RNF43: variants seen among roughly 807,000 people sequenced by gnomAD.
RNF43 encodes E3 ubiquitin-protein ligase RNF43.
RNF43 carries 37 observed loss-of-function variants against 78.4 expected under a neutral mutation model. The ratio of observed to expected loss-of-function variants is 0.47; its 90% CI spans 0.36 to 0.62. The LOEUF (loss-of-function observed/expected upper bound fraction) is 0.62, where lower values mean the gene tolerates loss of function less well. RNF43 is among the 20% of genes least tolerant of loss of function. The pLI is 0.00. For missense variants in RNF43, 774 were observed against 1,007.9 expected (o/e 0.77, Z 3.14); for synonymous variants, 347 against 395.0 (o/e 0.88, Z 1.44).
intron 2 of RNF43, among the ~76,000 whole-genome samples, chr17:58,410,630 T>C (rs771438069): frequency 2.6e-5 from 4 of 152,218 alleles, no homozygotes; most frequent in Non-Finnish European, 5.9e-5. Context: ...GCTATGTCAG[T>C]GTTTATTATT....
chr17:58,403,248 T>G (rs1008985035), intron 2 of RNF43, among the ~76,000 whole-genome samples: 2 of 152,174 alleles, frequency 1.3e-5, no homozygotes, highest in African/African-American at 4.8e-5. Context: ...ATGAGTATAT[T>G]CTTTGGGGGA....
At position 58,395,191 on chromosome 17, in the gene RNF43, C is replaced by A. The variant is rs566491136; in HGVS notation, c.252+20135G>T. ...AAAACTAGCAAATATTAAACAGGATCTGAAATTCCTTTGGGAAAAAAATAT... is the reference window on the plus strand; with the variant it reads ...AAAACTAGCAAATATTAAACAGGATATGAAATTCCTTTGGGAAAAAAATAT... On this transcript the variant is annotated intron_variant, in intron 2 of 9. Transcript: ENST00000407977. 2.6e-5 allele frequency among the ~76,000 whole-genome samples: 4 copies of A among 152,270 alleles called. No homozygotes were observed. In the South Asian group the frequency reaches 8.3e-4, roughly 32 times the overall value.
intron 2 of RNF43, among the ~76,000 whole-genome samples, chr17:58,387,979 C>G (rs911685258): frequency 2.0e-5 from 3 of 151,244 alleles, no homozygotes; most frequent in Non-Finnish European, 4.4e-5. Context: ...CTTCCCCCCA[C>G]CACACACACC....
rs1598130215 is a variant in RNF43 at position 58,360,326 on chromosome 17, A to G, written c.850-75T>C. ...TTGCCAGGAATCAGGACATCCCCCA[A>G]CTCCCTTAGGCCTCTCCTTGCTATT... On this transcript the variant is annotated intron_variant, in intron 7 of 9. Coordinates refer to ENST00000407977, the MANE Select transcript of RNF43 (RefSeq NM_017763.6). The surrounding 1 kb of genome is among the most constrained non-coding windows in gnomAD (Gnocchi z 4.3). The G allele has an allele frequency of 5.7e-6, 6 of 1,053,650 alleles. No homozygotes were observed. In the East Asian group the frequency reaches 1.4e-4, roughly 25 times the overall value. 65.3% of individuals were successfully genotyped at this position (1,053,650 alleles called of 1,614,324 possible). A position where few individuals can be genotyped will look rare whatever the true frequency, so the allele number is the denominator to read the frequency against.
chr17:58,416,813 A>T (rs2143702518), intron 1 of RNF43: 1 of 152,360 alleles, frequency 6.6e-6, no homozygotes, highest in Non-Finnish European at 1.5e-5. Flanking sequence ...TAAGATTTTT[A>T]AAATGTGCAC....
Position 58,415,502 on chromosome 17 carries a change from C to T in RNF43, c.76G>A (p.Gly26Arg). The T allele has an allele frequency of 6.2e-7, 1 of 1,613,192 alleles. No homozygotes were observed. Among genetic ancestry groups the T allele is most frequent in the Non-Finnish European group, 8.5e-7 (1 of 1,180,036 alleles). ...GCTGCCAGTACCAGTCCTGTGCGTCCAAAGCCTGCCTGCAGGGTAGCCATC... is the reference window on the plus strand; with the variant it reads ...GCTGCCAGTACCAGTCCTGTGCGTCTAAAGCCTGCCTGCAGGGTAGCCATC... The part of the protein sequence containing the change: ...LLMATLQAGF[G>R]RTGLVLAAAV... Residue 26 changes from glycine to arginine, a missense_variant, in exon 2 of 10, where the codon GGA becomes AGA. Physicochemically the swap from Gly to Arg is moderately radical, Grantham distance 125. Coordinates refer to ENST00000407977, the MANE Select transcript of RNF43 (RefSeq NM_017763.6).
rs1972644763 is a variant in RNF43, at chr17:58,354,579, T to A, written c.*364A>T. The A allele has an allele frequency of 5.2e-6, 2 of 381,244 alleles. No individual in the cohort carries two copies. The highest frequency in any genetic ancestry group is 7.2e-5 in the Admixed American group (2 of 27,630). The allele number at this position is 381,244 out of a possible 1,614,324, so 23.6% of individuals were successfully genotyped here. ...GAGGCTTGGGGTGAGGGAAACCAAG[T>A]AGGGGTTGGAGAAGGAGCAGCACCT... On this transcript the variant is annotated 3_prime_UTR_variant, in exon 10 of 10. Coordinates refer to ENST00000407977, the MANE Select transcript of RNF43 (RefSeq NM_017763.6).
intron 2 of RNF43, among the ~76,000 whole-genome samples, chr17:58,399,844 G>A (rs545802922): frequency 3.3e-5 from 5 of 151,994 alleles, no homozygotes; most frequent in Non-Finnish European, 1.5e-5. Flanking sequence ...GTTTCACCAT[G>A]CTGTTCAGAC....
chr17:58,393,829 C>T lies in RNF43; in HGVS notation c.252+21497G>A, dbSNP rs546992933. On this transcript the variant is annotated intron_variant, in intron 2 of 9. Transcript: ENST00000407977. ...CAGCACTTTGGGAGGCTGAGGCGGGCGGATCATGAGGTCAGGAGATCGAGA... is the reference window on the plus strand; with the variant it reads ...CAGCACTTTGGGAGGCTGAGGCGGGTGGATCATGAGGTCAGGAGATCGAGA... 1.1e-4 allele frequency among the ~76,000 whole-genome samples: 16 copies of T among 152,110 alleles called. No homozygotes were observed. In the South Asian group the frequency reaches 2.7e-3, roughly 26 times the overall value.
At chr17:58,378,004 G>A (rs901826952) in intron 2 of RNF43, among the ~76,000 whole-genome samples, 6 of 152,034 alleles carry the variant, frequency 3.9e-5, no homozygotes, top group African/African-American at 4.8e-5. Flanking sequence ...TGCTTCTTCC[G>A]GATCCCGGCA....
chr17:58,399,050 T>G (rs531780658), intron 2 of RNF43, among the ~76,000 whole-genome samples: 1 of 152,346 alleles, frequency 6.6e-6, no homozygotes, highest in East Asian at 1.9e-4. Context: ...TGTGTTGTAC[T>G]GGTGATTGAA....
At chr17:58,414,188 A>T (rs1357919181) in intron 2 of RNF43, among the ~76,000 whole-genome samples, 1 of 152,242 alleles carries the variant, frequency 6.6e-6, no homozygotes, top group Non-Finnish European at 1.5e-5. Flanking sequence ...ATTGCCTAAG[A>T]AGTGATAATG....
intron 2 of RNF43, among the ~76,000 whole-genome samples, chr17:58,374,678 A>T (rs1348418557): frequency 6.6e-6 from 1 of 152,170 alleles, no homozygotes; most frequent in Non-Finnish European, 1.5e-5. Context: ...GGCATGAGCC[A>T]CCGTGTCTGG....
At chr17:58,356,954 C>T (rs1972696467) in intron 9 of RNF43, 4 of 413,832 alleles carry the variant, frequency 9.7e-6, no homozygotes, top group Admixed American at 4.1e-5. Context: ...AGTGCAGTGG[C>T]GCCATCTTGG....
At chr17:58,396,835 A>G (rs1389569986) in intron 2 of RNF43, among the ~76,000 whole-genome samples, 2 of 152,024 alleles carry the variant, frequency 1.3e-5, no homozygotes, top group Admixed American at 1.3e-4. Context: ...CTTTATATAT[A>G]CACACACACA....
intron 2 of RNF43, among the ~76,000 whole-genome samples, chr17:58,408,102 T>TA (rs1357641942): frequency 6.6e-6 from 1 of 152,230 alleles, no homozygotes; most frequent in African/African-American, 2.4e-5. Context: ...CTGTCTGACT[T>TA]TAAGTAATAC....
At chr17:58,386,223 C>T (rs1973431203) in intron 2 of RNF43, among the ~76,000 whole-genome samples, 2 of 152,154 alleles carry the variant, frequency 1.3e-5, no homozygotes, top group African/African-American at 2.4e-5. Context: ...GTTAGGAGTT[C>T]GAGACCAGCC....
At position 58,358,097 on chromosome 17, in the gene RNF43, T is replaced by C. The variant is rs898409451; in HGVS notation, c.1679A>G (p.Lys560Arg). ...CTTCCTGCCATGCCACTGGAACCGC[T>C]TTTTGTAGTGGTGGTGCCGGTGGCG... ...YHRHRHHHYK[K>R]RFQWHGRKPG... Residue 560 changes from lysine to arginine, a missense_variant, in exon 9 of 10, where the codon AAG becomes AGG. Coordinates refer to ENST00000407977, the MANE Select transcript of RNF43 (RefSeq NM_017763.6). This position sits in a 1 kb window ranked among gnomAD's most constrained non-coding sequence, Gnocchi z 6.2. 3 of 1,610,836 alleles carry C rather than the reference T, an allele frequency of 1.9e-6. No homozygotes were observed. The highest frequency in any genetic ancestry group is 2.5e-6 in the Non-Finnish European group (3 of 1,178,554).
At position 58,357,836 on chromosome 17, in the gene RNF43, A is replaced by G. The variant is rs552361417; in HGVS notation, c.1940T>C (p.Leu647Pro). 1 of 1,613,850 alleles carries G rather than the reference A, an allele frequency of 6.2e-7. No individual in the cohort carries two copies. The highest frequency in any genetic ancestry group is 1.7e-5 in the Admixed American group (1 of 60,014). ...SSLFNLQKSS[L>P]SARHPQRKRR... ...TTTCCTCTGTGGGTGTCGGGCAGAGAGGCTGGATTTTTGCAAGTTGAACAG... is the reference window on the plus strand; with the variant it reads ...TTTCCTCTGTGGGTGTCGGGCAGAGGGGCTGGATTTTTGCAAGTTGAACAG... The change falls in exon 9 of 10, where the codon CTC (leucine) becomes CCC (proline). Residue 647 changes from leucine (L) to proline (P), a missense_variant. Leu to Pro is a moderately conservative substitution (Grantham distance 98). Transcript: ENST00000407977. This position sits in a 1 kb window ranked among gnomAD's most constrained non-coding sequence, Gnocchi z 4.5.
Sources: gnomAD v4.1 joint callset for allele counts (sites outside exome capture counted in the v4.1 genomes callset) on GRCh38, gnomAD v4.1.1 for gene constraint, Gnocchi (gnomAD v3.1) non-coding constraint, MANE v1.5 for transcripts, NCBI Gene and HGNC (gene_info 2026-07-23, HGNC 2026-07-21) for gene names.